VTCN1: variants seen among roughly 807,000 people sequenced by gnomAD.
VTCN1 encodes the protein V-set domain-containing T-cell activation inhibitor 1.
Under a neutral mutation model 26.5 loss-of-function variants are expected in VTCN1, and 26 were observed. The ratio of observed to expected loss-of-function variants is 0.98; its 90% CI spans 0.72 to 1.36. The LOEUF (loss-of-function observed/expected upper bound fraction) is 1.36. Ranked by LOEUF, VTCN1 falls within the 40% of genes most tolerant of loss-of-function variation. The pLI, the probability that VTCN1 is intolerant of heterozygous loss-of-function variation, is 0.00. For synonymous variants in VTCN1, 116 were observed against 130.7 expected, an observed-to-expected ratio of 0.89 and a Z score of 0.77; for missense variants, 298 against 337.7, an observed-to-expected ratio of 0.88 and a Z score of 0.92.
chr1:117,173,365 AACACAC>A (rs140251705), intron 1 of VTCN1: 162 of 383,556 alleles, frequency 4.2e-4, no homozygotes, highest in East Asian at 7.1e-4. Flanking sequence ...GACACAGATG[AACACAC>A]ACACACACAC....
chr1:117,151,697 C>G (rs1033980956), intron 4 of VTCN1, among the ~76,000 whole-genome samples: 1 of 152,144 alleles, frequency 6.6e-6, no homozygotes, highest in Non-Finnish European at 1.5e-5. Context: ...CTCCAAGTCC[C>G]CACTCGACCC....
chr1:117,200,341 A>G (rs758849236), intron 1 of VTCN1, among the ~76,000 whole-genome samples: 40 of 152,148 alleles, frequency 2.6e-4, no homozygotes, highest in Non-Finnish European at 8.8e-5. Context: ...CAAGGCTACA[A>G]TGAGCCATGA....
intron 1 of VTCN1, among the ~76,000 whole-genome samples, chr1:117,210,108 G>A (rs948166354): frequency 1.3e-5 from 2 of 152,156 alleles, no homozygotes; most frequent in African/African-American, 2.4e-5. Context: ...CCTTCCAGGA[G>A]GGTAAATGCT....
intron 3 of VTCN1, among the ~76,000 whole-genome samples, chr1:117,154,467 A>G (rs911711266): frequency 6.6e-6 from 1 of 152,240 alleles, no homozygotes; most frequent in Non-Finnish European, 1.5e-5. Context: ...TCAACATCTT[A>G]ACCAATGTGC....
intron 1 of VTCN1, among the ~76,000 whole-genome samples, chr1:117,174,382 C>G (rs952059169): frequency 2.0e-5 from 3 of 152,246 alleles, no homozygotes; most frequent in Middle Eastern, 3.4e-3. Flanking sequence ...AAACAAGGTC[C>G]CTGCCCTCAA....
At chr1:117,179,962 C>T (rs1647590223) in intron 1 of VTCN1, among the ~76,000 whole-genome samples, 1 of 152,152 alleles carries the variant, frequency 6.6e-6, no homozygotes, top group Non-Finnish European at 1.5e-5. Flanking sequence ...TCTCAGATGC[C>T]ATCATCGTTG....
chr1:117,179,554 T>C (rs1287817729), intron 1 of VTCN1, among the ~76,000 whole-genome samples: 1 of 152,186 alleles, frequency 6.6e-6, no homozygotes, highest in Non-Finnish European at 1.5e-5. Context: ...CCAACAGAGC[T>C]CGCGGAGACT....
At position 117,170,628 on chromosome 1, in the gene VTCN1, C is replaced by T. The variant is rs570385299; in HGVS notation, c.33-457G>A. ...ACTCCATTAAGGACAATGGTCACAT[C>T]TTCTTCACTTTGTACCCACTCACAC... is the stretch of plus-strand genomic sequence containing the variant. On this transcript the variant is annotated intron_variant, in intron 1 of 5. Transcript: ENST00000369458. 2.6e-5 allele frequency among the ~76,000 whole-genome samples: 4 copies of T among 152,296 alleles called. No homozygotes were observed. In the South Asian group the frequency reaches 6.2e-4, roughly 24 times the overall value.
chr1:117,185,199 G>T (rs370290224), intron 1 of VTCN1, among the ~76,000 whole-genome samples: 1 of 152,098 alleles, frequency 6.6e-6, no homozygotes, highest in Non-Finnish European at 1.5e-5. Context: ...AGTTCCAAGT[G>T]GTCACTTCAA....
chr1:117,153,454 T>C (rs922268387), intron 3 of VTCN1, 85 bp from the exon 4 acceptor site: 1 of 1,397,806 alleles, frequency 7.2e-7, no homozygotes, highest in African/African-American at 1.5e-5. Context: ...GCCTTAAAAA[T>C]GCAGTCATTT....
At chr1:117,163,287 A>G (rs1652463325) in intron 2 of VTCN1, among the ~76,000 whole-genome samples, 1 of 152,226 alleles carries the variant, frequency 6.6e-6, no homozygotes, top group African/African-American at 2.4e-5. Flanking sequence ...CTTATTGGAT[A>G]TGTGACCTTG....
At chr1:117,162,848 A>G (rs1652435105) in intron 2 of VTCN1, among the ~76,000 whole-genome samples, 1 of 152,236 alleles carries the variant, frequency 6.6e-6, no homozygotes, top group Non-Finnish European at 1.5e-5. Flanking sequence ...AGGTAACACA[A>G]GACAAGGATT....
rs1475810414 is a variant in VTCN1, at chr1:117,153,355, C to A, written c.460G>T (p.Glu154Ter). The change falls in exon 4 of 6, where the codon GAA becomes TAA. Residue 154 changes from glutamate (E) to a stop codon, truncating the protein, a stop_gained. Coordinates refer to ENST00000369458, the MANE Select transcript of VTCN1 (RefSeq NM_024626.4). LOFTEE classifies it high-confidence loss of function. ...EYKTGAFSMP[E>*]VNVDYNASSE... is the part of the protein sequence containing the mutation. ...CTGGCATTATAGTCCACATTCACTT[C>A]CGGCATGCTGAAGGCTGCAGGGTCA... The A allele has an allele frequency of 1.2e-6, 2 of 1,607,798 alleles. No individual in the cohort carries two copies.
At chr1:117,195,244 G>A (rs1256356572) in intron 1 of VTCN1, among the ~76,000 whole-genome samples, 1 of 146,406 alleles carries the variant, frequency 6.8e-6, no homozygotes, top group Non-Finnish European at 1.5e-5. Flanking sequence ...CCTGGAGAGA[G>A]AGCAAGACTC....
rs553412052 is a variant in VTCN1, at chr1:117,147,293, G to A, written c.*45+320C>T. On this transcript the variant is annotated intron_variant, in intron 5 of 5. Transcript: ENST00000369458. The surrounding 1 kb of genome is among the most constrained non-coding windows in gnomAD (Gnocchi z 4.6). ...TTTATAAATAACAGTGGAATCCAGG[G>A]TAATTACTCAGGGCTAAATATCTCT... Among the ~76,000 whole-genome samples the A allele has an allele frequency of 6.6e-6, 1 of 152,230 alleles. No homozygotes were observed. The highest frequency in any genetic ancestry group is 2.1e-4 in the South Asian group (1 of 4,818).
At chr1:117,205,043 C>T (rs887526827) in intron 1 of VTCN1, among the ~76,000 whole-genome samples, 12 of 146,976 alleles carry the variant, frequency 8.2e-5, no homozygotes, top group African/African-American at 3.1e-4. Context: ...TATACGTGTC[C>T]TGTATATGTA....
At chr1:117,210,538 C>CA (rs1226094345) in intron 1 of VTCN1, among the ~76,000 whole-genome samples, 1 of 152,224 alleles carries the variant, frequency 6.6e-6, no homozygotes, top group Non-Finnish European at 1.5e-5. Context: ...CCCAGCTTGG[C>CA]ACGTACTCCC....
intron 1 of VTCN1, among the ~76,000 whole-genome samples, chr1:117,170,828 T>C (rs753351826): frequency 1.8e-4 from 28 of 152,238 alleles, no homozygotes; most frequent in Middle Eastern, 3.2e-3. Context: ...TTTGATATAA[T>C]CCTCACCAAT....
intron 1 of VTCN1, chr1:117,173,144 A>AACTCCGGAACC: frequency 1.4e-6 from 1 of 714,788 alleles, no homozygotes; most frequent in South Asian, 1.5e-5. Flanking sequence ...ACTCCGGAAC[A>AACTCCGGAACC]AACAACTCCG....
Sources: allele counts gnomAD v4.1 joint callset (sites outside exome capture counted in the v4.1 genomes callset), GRCh38; gene constraint gnomAD v4.1.1; non-coding constraint Gnocchi (gnomAD v3.1); transcripts MANE v1.5; gene names NCBI Gene and HGNC (gene_info 2026-07-23, HGNC 2026-07-21).